The following AGAP1 variants were observed in gnomAD, a reference collection of about 807,000 sequenced individuals.
AGAP1 encodes arf-GAP with GTPase, ANK repeat and PH domain-containing protein 1.
A neutral mutation model predicts 105.3 loss-of-function variants in AGAP1; 29 were observed. That is an observed-to-expected ratio of 0.28 (90% confidence interval 0.21 to 0.38). The LOEUF (loss-of-function observed/expected upper bound fraction) is 0.38. Ranked by LOEUF, AGAP1 falls within the 10% of genes least tolerant of loss-of-function variation. AGAP1 has a pLI of 1.00. For missense variants in AGAP1, 998 were observed against 1,165.1 expected (o/e 0.86, Z 2.09); for synonymous variants, 509 against 485.9 (o/e 1.05, Z -0.63).
chr2:235,763,077 C>G (rs1347955996), intron 6 of AGAP1, among the ~76,000 whole-genome samples: 1 of 88,882 alleles, frequency 1.1e-5, no homozygotes, highest in Non-Finnish European at 2.8e-5. Context: ...CGCACACGTG[C>G]ACCTGCCGTG....
chr2:235,931,015 C>A lies in AGAP1; in HGVS notation c.1483+92C>A. On this transcript the variant is annotated intron_variant, in intron 12 of 17. Transcript: ENST00000304032. The surrounding 1 kb of genome is among the most constrained non-coding windows in gnomAD (Gnocchi z 5.6). ...GGACAGGACGCCCTAAGCTCTCATGCTCCTCTGGGAGCGCAGCACCCTGTG... is the reference window on the plus strand; with the variant it reads ...GGACAGGACGCCCTAAGCTCTCATGATCCTCTGGGAGCGCAGCACCCTGTG... 1 of 1,441,132 alleles carries A rather than the reference C, an allele frequency of 6.9e-7. No individual in the cohort carries two copies. The highest frequency in any genetic ancestry group is 9.3e-7 in the Non-Finnish European group (1 of 1,075,126). The allele number at this position is 1,441,132 out of a possible 1,614,324, so 89.3% of individuals were successfully genotyped here.
intron 12 of AGAP1, among the ~76,000 whole-genome samples, chr2:235,946,330 C>T (rs1189278306): frequency 1.8e-4 from 27 of 146,606 alleles, no homozygotes; most frequent in African/African-American, 5.9e-4. Flanking sequence ...CTGTCAGCCA[C>T]GCTGGGGTGC....
In AGAP1 at chr2:235,968,458, G is replaced by A. The variant is rs1223567308; in HGVS notation, c.1484-4G>A. 4 of 1,554,624 alleles carry A rather than the reference G, an allele frequency of 2.6e-6. No homozygotes were observed. The highest frequency in any genetic ancestry group is 3.5e-6 in the Non-Finnish European group (4 of 1,158,742). On this transcript the variant is annotated splice_polypyrimidine_tract_variant and splice_region_variant and intron_variant, in intron 12 of 17. Transcript: ENST00000304032. ...TTTTTTTGCCTTTTCCGGTCCAATGGCAGACACAGGGCTGGGTGACTCCGT... is the reference window on the plus strand; with the variant it reads ...TTTTTTTGCCTTTTCCGGTCCAATGACAGACACAGGGCTGGGTGACTCCGT...
chr2:235,853,017 G>C, intron 9 of AGAP1: 1 of 1,246,352 alleles, frequency 8.0e-7, no homozygotes. Context: ...CAGAAAGTTC[G>C]GCAACTCACA....
chr2:235,967,899 C>T lies in AGAP1; in HGVS notation c.1484-563C>T, dbSNP rs939186203. 6.6e-6 allele frequency among the ~76,000 whole-genome samples: 1 copy of T among 152,162 alleles called. No individual in the cohort carries two copies. The highest frequency in any genetic ancestry group is 2.4e-5 in the African/African-American group (1 of 41,426). Reference sequence around the variant, plus strand: ...CAGGCCTACTATATCGACTTCCAAACACTGTCACTGGACATTGGTGAGAGA... The same window carrying T: ...CAGGCCTACTATATCGACTTCCAAATACTGTCACTGGACATTGGTGAGAGA... On this transcript the variant is annotated intron_variant, in intron 12 of 17. Coordinates refer to ENST00000304032, the MANE Select transcript of AGAP1 (RefSeq NM_001037131.3). The surrounding 1 kb of genome is among the most constrained non-coding windows in gnomAD (Gnocchi z 4.7).
rs972960240 is a variant in AGAP1, at chr2:235,712,585, A to G, written c.222+3348A>G. 2.6e-5 allele frequency among the ~76,000 whole-genome samples: 4 copies of G among 152,206 alleles called. No individual in the cohort carries two copies. The highest frequency in any genetic ancestry group is 5.9e-5 in the Non-Finnish European group (4 of 68,034). ...CTTGATTTCCTTTTCAGCAAACCTC[A>G]GGGTTAGTGTGGGGCTCTGGAGAAA... On this transcript the variant is annotated intron_variant, in intron 2 of 17. Transcript: ENST00000304032. The surrounding 1 kb of genome is among the most constrained non-coding windows in gnomAD (Gnocchi z 6.0).
rs1028661767 is a variant in AGAP1, at chr2:235,564,573, G to A, written c.163+69724G>A. 2.0e-5 allele frequency among the ~76,000 whole-genome samples: 3 copies of A among 152,200 alleles called. No homozygotes were observed. In the East Asian group the frequency reaches 5.8e-4, roughly 29 times the overall value. The stretch of plus-strand genomic sequence containing the variant: ...CTGCCTGCCTTGAGCCTGACACAGG[G>A]CCAGTTGTGAGCCTGGACCAGCACC... On this transcript the variant is annotated intron_variant, in intron 1 of 17. Transcript: ENST00000304032.
intron 10 of AGAP1, among the ~76,000 whole-genome samples, chr2:235,885,473 A>G (rs555482227): frequency 6.6e-6 from 1 of 152,324 alleles, no homozygotes; most frequent in African/African-American, 2.4e-5. Flanking sequence ...ATACATTCCT[A>G]GCAATTGGCT....
chr2:235,893,243 G>C lies in AGAP1; in HGVS notation c.1155+9794G>C, dbSNP rs2050632140. 6.6e-6 allele frequency among the ~76,000 whole-genome samples: 1 copy of C among 151,246 alleles called. No individual in the cohort carries two copies. ...ATGAAGCACCATGTCTGTAGCGCGG[G>C]TGTGCCATGTCCATCATAAGGAAGC... On this transcript the variant is annotated intron_variant, in intron 10 of 17. Coordinates refer to ENST00000304032, the MANE Select transcript of AGAP1 (RefSeq NM_001037131.3). This position sits in a 1 kb window ranked among gnomAD's most constrained non-coding sequence, Gnocchi z 4.7.
intron 2 of AGAP1, among the ~76,000 whole-genome samples, chr2:235,717,242 C>T (rs574370662): frequency 1.1e-4 from 17 of 152,324 alleles, no homozygotes; most frequent in African/African-American, 1.7e-4. Flanking sequence ...TAGATGCCGG[C>T]GGGCTAACTC....
intron 13 of AGAP1, among the ~76,000 whole-genome samples, chr2:236,032,253 A>G (rs116137140): frequency 0.011 from 1,678 of 152,316 alleles, 28 homozygotes; most frequent in African/African-American, 0.038. Context: ...AGACAGAGGT[A>G]ATAGTTCCAT....
chr2:236,026,332 G>A (rs770827718), intron 13 of AGAP1, among the ~76,000 whole-genome samples: 3 of 152,202 alleles, frequency 2.0e-5, no homozygotes, highest in South Asian at 2.1e-4. Flanking sequence ...CCAGACACCC[G>A]GCAGGTGGCA....
rs996246149 is a variant in AGAP1 at position 235,635,998 on chromosome 2, A to T, written c.164-73181A>T. On this transcript the variant is annotated intron_variant, in intron 1 of 17. Transcript: ENST00000304032. This position sits in a 1 kb window ranked among gnomAD's most constrained non-coding sequence, Gnocchi z 5.3. ...CATGGGGGTGCATGCCTGTAATCCC[A>T]GCTACTTGGGAGGCTGAGGCAGGAG... 1.2e-4 allele frequency among the ~76,000 whole-genome samples: 19 copies of T among 152,076 alleles called. No individual in the cohort carries two copies. The highest frequency in any genetic ancestry group is 2.5e-4 in the Non-Finnish European group (17 of 68,016).
chr2:236,054,851 C>T (rs1005874886), intron 16 of AGAP1, among the ~76,000 whole-genome samples: 22 of 152,176 alleles, frequency 1.4e-4, no homozygotes, highest in African/African-American at 5.1e-4. Context: ...ATGCCCTGCC[C>T]CTGCCGCCAC....
At position 235,610,122 on chromosome 2, in the gene AGAP1, T is replaced by C. The variant is rs1314748750; in HGVS notation, c.164-99057T>C. Among the ~76,000 whole-genome samples, 1 of 152,166 alleles carries C rather than the reference T, an allele frequency of 6.6e-6. No homozygotes were observed. Among genetic ancestry groups the C allele is most frequent in the Non-Finnish European group, 1.5e-5 (1 of 68,032 alleles). ...TCACAGATATGGTGACAGGCTTGTC[T>C]CCACCATTGGAGTAAGCTCCAGCCC... On this transcript the variant is annotated intron_variant, in intron 1 of 17. Coordinates refer to ENST00000304032, the MANE Select transcript of AGAP1 (RefSeq NM_001037131.3). This position sits in a 1 kb window ranked among gnomAD's most constrained non-coding sequence, Gnocchi z 4.9.
chr2:236,013,659 G>T (rs1576059692), intron 13 of AGAP1, among the ~76,000 whole-genome samples: 1 of 152,250 alleles, frequency 6.6e-6, no homozygotes, highest in South Asian at 2.1e-4. Flanking sequence ...AGCCTGCACT[G>T]GTTTCTCTTC....
At chr2:236,039,053 T>C (rs1022280663) in intron 14 of AGAP1, among the ~76,000 whole-genome samples, 1 of 152,218 alleles carries the variant, frequency 6.6e-6, no homozygotes, top group African/African-American at 2.4e-5. Flanking sequence ...GAAGAATTCT[T>C]ACGCAAAAAT....
At chr2:235,669,977 GGCCCTCGCGGTCAGCGGGGGGCGT>G (rs1948288468) in intron 1 of AGAP1, 4 of 239,572 alleles carry the variant, frequency 1.7e-5, no homozygotes, top group Non-Finnish European at 3.2e-5. Context: ...GCCTGAGTGC[GGCCCTCGCGGTCAGCGGGGGGCGT>G]GGGCCACACT....
In AGAP1 at chr2:235,552,767, G is replaced by C. The variant is rs1943854488; in HGVS notation, c.163+57918G>C. ...GAGAGAGCAGTGGCCAAAGTGGAGA[G>C]AGTTGAGTTTCAGAAAGCCAGCTGC... On this transcript the variant is annotated intron_variant, in intron 1 of 17. Transcript: ENST00000304032. This position sits in a 1 kb window ranked among gnomAD's most constrained non-coding sequence, Gnocchi z 5.9. Among the ~76,000 whole-genome samples the C allele has an allele frequency of 1.3e-5, 2 of 152,316 alleles. No homozygotes were observed. Among genetic ancestry groups the C allele is most frequent in the Non-Finnish European group, 2.9e-5 (2 of 68,026 alleles).
Sources: allele counts gnomAD v4.1 joint callset (sites outside exome capture counted in the v4.1 genomes callset), GRCh38; gene constraint gnomAD v4.1.1; non-coding constraint Gnocchi (gnomAD v3.1); transcripts MANE v1.5; gene names NCBI Gene and HGNC (gene_info 2026-07-23, HGNC 2026-07-21).